Variants in SEC14L1 observed in about 807,000 individuals in gnomAD.
SEC14L1 encodes SEC14-like protein 1.
A neutral mutation model predicts 85.3 loss-of-function variants in SEC14L1; 48 were observed. The observed-to-expected ratio is 0.56, with a 90% confidence interval of 0.45 to 0.72. The LOEUF is 0.72. Ranked by LOEUF, SEC14L1 falls within the 30% of genes least tolerant of loss-of-function variation. The probability of loss-of-function intolerance (pLI) is 0.00; values close to 1 mark genes in which losing one functional copy is unlikely to be tolerated. For synonymous variants in SEC14L1, 391 were observed against 355.5 expected (o/e 1.10, Z -1.12); for missense variants, 682 against 921.4 (o/e 0.74, Z 3.36).
intron 3 of SEC14L1, among the ~76,000 whole-genome samples, chr17:77,158,874 C>T (rs1237926483): frequency 1.3e-4 from 15 of 117,170 alleles, no homozygotes; most frequent in African/African-American, 3.6e-4. Flanking sequence ...TGCAGTGGCA[C>T]GATCTCGACT....
chr17:77,141,182 G>C (rs959260577), intron 1 of SEC14L1, 75 bp downstream of exon 1: 4 of 151,594 alleles, frequency 2.6e-5, no homozygotes, highest in African/African-American at 9.7e-5. Context: ...GGCGCCTCTC[G>C]GGCGGGCCCC....
At chr17:77,121,826 A>G (rs7215507) in intron 3 of SEC14L1, among the ~76,000 whole-genome samples, 53,605 of 151,946 alleles carry the variant, frequency 0.35, 10,037 homozygotes, top group Middle Eastern at 0.44. Context: ...GGCTCTCCCT[A>G]GTTTGTTACT....
In SEC14L1 at chr17:77,213,781, TC is replaced by T; in HGVS notation, c.2043-132del. The T allele has an allele frequency of 1.7e-6, 2 of 1,160,190 alleles. No homozygotes were observed. The highest frequency in any genetic ancestry group is 1.3e-6 in the Non-Finnish European group (1 of 787,388). The allele number at this position is 1,160,190 out of a possible 1,614,324, so 71.9% of individuals were successfully genotyped here. Reference sequence around the variant, plus strand: ...CCCCCTGGTGGGTTACTCATGTCCATCCCCCGTTTGCAAGCACTGATGGGGA... The same window carrying T: ...CCCCCTGGTGGGTTACTCATGTCCATCCCCGTTTGCAAGCACTGATGGGGA... On this transcript the variant is annotated intron_variant, in intron 16 of 16. Coordinates refer to ENST00000436233, the MANE Select transcript of SEC14L1 (RefSeq NM_001143998.2). The surrounding 1 kb of genome is among the most constrained non-coding windows in gnomAD (Gnocchi z 7.1).
Position 77,206,572 on chromosome 17 carries a change from A to C in SEC14L1, c.1342-156A>C. The C allele has an allele frequency of 8.5e-7, 1 of 1,181,918 alleles. No homozygotes were observed. The highest frequency in any genetic ancestry group is 1.5e-5 in the South Asian group (1 of 64,668). The allele number at this position is 1,181,918 out of a possible 1,614,324, so 73.2% of individuals were successfully genotyped here. A position where few individuals can be genotyped will look rare whatever the true frequency, so the allele number is the denominator to read the frequency against. On this transcript the variant is annotated intron_variant, in intron 12 of 16. Coordinates refer to ENST00000436233, the MANE Select transcript of SEC14L1 (RefSeq NM_001143998.2). The surrounding 1 kb of genome is among the most constrained non-coding windows in gnomAD (Gnocchi z 4.3). Reference sequence around the variant, plus strand: ...TAAGAAAGGGGAAAAACAAAATGTGAGTGTCCTAATGCCATGCAAATAGAC... The same window carrying C: ...TAAGAAAGGGGAAAAACAAAATGTGCGTGTCCTAATGCCATGCAAATAGAC...
At position 77,090,871 on chromosome 17, in the gene SEC14L1, C is replaced by T. The variant is rs116328275; in HGVS notation, c.-240+1600C>T. 3.6e-3 allele frequency among the ~76,000 whole-genome samples: 546 copies of T among 151,586 alleles called. 8 individuals are homozygous for T. Among genetic ancestry groups the T allele is most frequent in the African/African-American group, 0.012 (515 of 41,324 alleles). ...GGTGTGGTGACCCATGCCAGTGATC[C>T]CAGCTACTTGGGAGGCTGAGGTGGG... On this transcript the variant is annotated intron_variant, in intron 2 of 19. Coordinates refer to the SEC14L1 transcript ENST00000392476.
intron 8 of SEC14L1, among the ~76,000 whole-genome samples, chr17:77,197,777 G>C (rs1291542490): frequency 6.6e-6 from 1 of 152,090 alleles, no homozygotes; most frequent in Non-Finnish European, 1.5e-5. Context: ...GCTAATTTTT[G>C]TATTTTTAGT....
chr17:77,209,702 A>G (rs1487413086), intron 14 of SEC14L1, among the ~76,000 whole-genome samples: 1 of 152,248 alleles, frequency 6.6e-6, no homozygotes, highest in Non-Finnish European at 1.5e-5. Context: ...AGTGCCTGGA[A>G]AGGAAATTGG....
At chr17:77,173,470 G>A (rs1443582803) in intron 3 of SEC14L1, among the ~76,000 whole-genome samples, 1 of 151,766 alleles carries the variant, frequency 6.6e-6, no homozygotes, top group Non-Finnish European at 1.5e-5. Context: ...TAGGGGTGGG[G>A]GCCTTAGTTT....
intron 7 of SEC14L1, 195 bp downstream of exon 7, chr17:77,195,106 G>A: frequency 3.5e-6 from 2 of 573,774 alleles, no homozygotes; most frequent in South Asian, 4.6e-5. Flanking sequence ...TAGATTTTTT[G>A]TTAATAGGAA....
At chr17:77,133,767 C>T (rs540364882) in intron 3 of SEC14L1, among the ~76,000 whole-genome samples, 78 of 151,796 alleles carry the variant, frequency 5.1e-4, no homozygotes, top group African/African-American at 1.1e-3. Context: ...GGAGAAACCC[C>T]GTCTCTACTA....
At chr17:77,192,812 C>T (rs1975610450) in intron 5 of SEC14L1, among the ~76,000 whole-genome samples, 1 of 152,118 alleles carries the variant, frequency 6.6e-6, no homozygotes, top group African/African-American at 2.4e-5. Flanking sequence ...AGGCACATGC[C>T]ACCGTGCCTG....
At chr17:77,163,913 G>A (rs954398638) in intron 3 of SEC14L1, among the ~76,000 whole-genome samples, 1 of 152,238 alleles carries the variant, frequency 6.6e-6, no homozygotes, top group Admixed American at 6.5e-5. Flanking sequence ...GGGTGAAGAT[G>A]ATACTGCTTG....
chr17:77,211,881 ACGATGCGCTCGCAGCATGCCGGCC>A, intron 14 of SEC14L1, 45 bp from the exon 15 acceptor site: 1 of 1,578,448 alleles, frequency 6.3e-7, no homozygotes, highest in Non-Finnish European at 8.6e-7. Context: ...CCTGGAGAGC[ACGATGCGCTCGCAGCATGCCGGCC>A]TGGTGCTCGT....
Position 77,171,113 on chromosome 17 carries a change from T to G in SEC14L1, c.64-19690T>G, listed in dbSNP as rs1441835677. Among the ~76,000 whole-genome samples the G allele has an allele frequency of 2.0e-5, 3 of 151,466 alleles. No homozygotes were observed. In the East Asian group the frequency reaches 5.8e-4, roughly 29 times the overall value. On this transcript the variant is annotated intron_variant, in intron 3 of 16. Transcript: ENST00000436233. ...GGCTTGCATCTTATTTGTTGATTTATTAGTTTTTTTTGCATATTATACAAC... is the reference window on the plus strand; with the variant it reads ...GGCTTGCATCTTATTTGTTGATTTAGTAGTTTTTTTTGCATATTATACAAC...
At chr17:77,136,039 A>AT (rs146990547), upstream of SEC14L1, among the ~76,000 whole-genome samples, 4,194 of 147,276 alleles carry the variant, frequency 0.028, 191 homozygotes, top group African/African-American at 0.096. Context: ...CGCCCGGCTA[A>AT]TTTTTTTTTT....
chr17:77,164,507 C>T (rs1265816581), intron 3 of SEC14L1, among the ~76,000 whole-genome samples: 1 of 152,134 alleles, frequency 6.6e-6, no homozygotes, highest in African/African-American at 2.4e-5. Context: ...GGTGGCTTTC[C>T]TTCTGTTTGC....
upstream of SEC14L1, among the ~76,000 whole-genome samples, chr17:77,139,121 A>G (rs941761428): frequency 2.7e-5 from 4 of 150,942 alleles, no homozygotes; most frequent in Non-Finnish European, 4.4e-5. Context: ...ATTTCCTGTA[A>G]ACTGGTGGTT....
Position 77,211,984 on chromosome 17 carries a change from T to A in SEC14L1, c.1646T>A (p.Ile549Asn), listed in dbSNP as rs777283135. The change falls in exon 15 of 17, where the codon ATC becomes AAC. Residue 549 changes from isoleucine to asparagine, a missense_variant. By Grantham distance (149) the Ile-to-Asn change is moderately radical. Around this residue, in one of 3 missense-constraint regions of SEC14L1, gnomAD observed 420 missense variants for 619.5 expected, o/e 0.68. Transcript: ENST00000436233. The part of the protein sequence containing the change: ...LIQIVDASSV[I>N]TWDFDVCKGD... ...CAGATTGTGGATGCCTCGTCAGTCA[T>A]CACTTGGGATTTCGACGTGTGCAAA... The A allele has an allele frequency of 1.2e-6, 2 of 1,613,980 alleles. No homozygotes were observed. Among genetic ancestry groups the A allele is most frequent in the Non-Finnish European group, 1.7e-6 (2 of 1,180,026 alleles).
chr17:77,146,370 G>A (rs543822670), intron 3 of SEC14L1, among the ~76,000 whole-genome samples: 67 of 152,330 alleles, frequency 4.4e-4, no homozygotes, highest in African/African-American at 1.5e-3. Flanking sequence ...TTTGCCAAAC[G>A]TTAGATTTAA....
Sources: gnomAD v4.1 joint callset for allele counts (sites outside exome capture counted in the v4.1 genomes callset) on GRCh38, gnomAD v4.1.1 for gene constraint, gnomAD v4.1.1 regional missense constraint, Gnocchi (gnomAD v3.1) non-coding constraint, MANE v1.5 for transcripts, NCBI Gene and HGNC (gene_info 2026-07-23, HGNC 2026-07-21) for gene names.